The following ROBO2 variants were observed in gnomAD, a reference collection of about 807,000 sequenced individuals.
ROBO2 encodes roundabout guidance receptor 2.
ROBO2 carries 53 observed loss-of-function variants against 160.8 expected under a neutral mutation model. The observed-to-expected ratio is 0.33, with a 90% CI of 0.26 to 0.41. The LOEUF is 0.41. Ranked by LOEUF, ROBO2 falls within the 10% of genes least tolerant of loss-of-function variation. The pLI, the probability that ROBO2 is intolerant of heterozygous loss-of-function variation, is 1.00. For missense variants in ROBO2, 1,577 were observed against 1,722.4 expected (o/e 0.92, Z 1.49); for synonymous variants, 664 against 611.7 (o/e 1.09, Z -1.26).
At chr3:76,008,393 G>A (rs1427610931) in intron 2 of ROBO2, among the ~76,000 whole-genome samples, 2 of 152,000 alleles carry the variant, frequency 1.3e-5, no homozygotes, top group Non-Finnish European at 2.9e-5. Context: ...GATGTCTTAT[G>A]GTAAACCCTT....
intron 2 of ROBO2, among the ~76,000 whole-genome samples, chr3:77,005,097 G>A (rs975046286): frequency 2.0e-5 from 3 of 152,124 alleles, no homozygotes; most frequent in Admixed American, 6.5e-5. Context: ...GACACGCTTG[G>A]CAGGCTTTTC....
intron 2 of ROBO2, among the ~76,000 whole-genome samples, chr3:76,981,094 G>A (rs908335486): frequency 6.6e-6 from 1 of 152,124 alleles, no homozygotes; most frequent in African/African-American, 2.4e-5. Flanking sequence ...ACCAATTGAT[G>A]GACATGTAGG....
intron 2 of ROBO2, among the ~76,000 whole-genome samples, chr3:76,170,042 C>T (rs988363738): frequency 7.9e-5 from 12 of 152,102 alleles, no homozygotes; most frequent in Admixed American, 2.0e-4. Flanking sequence ...AGCCTCCCAA[C>T]GTGCTGGGAT....
intron 2 of ROBO2, among the ~76,000 whole-genome samples, chr3:76,240,267 G>T (rs777206309): frequency 1.3e-5 from 2 of 151,982 alleles, no homozygotes; most frequent in Non-Finnish European, 2.9e-5. Flanking sequence ...TTGTCCTAAT[G>T]CTCTCCCTCC....
chr3:76,176,095 C>A (rs568085235), intron 2 of ROBO2, among the ~76,000 whole-genome samples: 1 of 152,060 alleles, frequency 6.6e-6, no homozygotes, highest in East Asian at 1.9e-4. Context: ...GGGACACATG[C>A]TGCTTCTCTA....
chr3:76,580,342 G>GTTTTTTTTTTTTTTTTTTTTTTT (rs71101901), intron 2 of ROBO2, among the ~76,000 whole-genome samples: 1 of 90,558 alleles, frequency 1.1e-5, no homozygotes, highest in African/African-American at 4.4e-5. Flanking sequence ...TTTTTTTTGT[G>GTTTTTTTTTTTTTTTTTTTTTTT]TTTTTTTTTT....
At chr3:75,932,597 C>T (rs1947593584) in intron 1 of ROBO2, among the ~76,000 whole-genome samples, 1 of 152,162 alleles carries the variant, frequency 6.6e-6, no homozygotes, top group Non-Finnish European at 1.5e-5. Context: ...ATGCACTACA[C>T]TTTGGGAGGG....
chr3:76,241,777 A>T (rs1705301343), intron 2 of ROBO2, among the ~76,000 whole-genome samples: 1 of 152,236 alleles, frequency 6.6e-6, no homozygotes, highest in African/African-American at 2.4e-5. Context: ...AAAAATGATT[A>T]TACATTTCCA....
chr3:76,057,116 T>C (rs917777124), intron 2 of ROBO2, among the ~76,000 whole-genome samples: 6 of 152,338 alleles, frequency 3.9e-5, no homozygotes, highest in Non-Finnish European at 7.4e-5. Context: ...TTCCTGTGTG[T>C]GTAATATTTT....
chr3:77,110,331 C>G (rs986870208), intron 2 of ROBO2, among the ~76,000 whole-genome samples: 1 of 152,004 alleles, frequency 6.6e-6, no homozygotes, highest in African/African-American at 2.4e-5. Context: ...TTTTTTGAGT[C>G]ATTAACATAT....
chr3:77,574,513 C>T, exon 14 of ROBO2: 1 of 1,613,248 alleles, frequency 6.2e-7, no homozygotes, highest in Non-Finnish European at 8.5e-7. Context: ...ATCGCCAACC[C>T]CAGTTTATCC....
chr3:77,243,399 G>A (rs1347028651), intron 2 of ROBO2, among the ~76,000 whole-genome samples: 2 of 152,154 alleles, frequency 1.3e-5, no homozygotes, highest in African/African-American at 4.8e-5. Flanking sequence ...AACGTGAGAA[G>A]TCTTAGGAGC....
Position 76,231,571 on chromosome 3 carries a change from A to G in ROBO2, c.109+293969A>G, listed in dbSNP as rs182136690. Among the ~76,000 whole-genome samples, 4 of 152,246 alleles carry G rather than the reference A, an allele frequency of 2.6e-5. No homozygotes were observed. In the East Asian group the frequency reaches 7.7e-4, roughly 29 times the overall value. ...TTACTATCTCCTGTCAGTGCCTATTATGAGATTGGGATTTGGAAGGTGTTT... is the reference window on the plus strand; with the variant it reads ...TTACTATCTCCTGTCAGTGCCTATTGTGAGATTGGGATTTGGAAGGTGTTT... On this transcript the variant is annotated intron_variant, in intron 2 of 26. Transcript: ENST00000487694.
At chr3:77,215,741 C>T (rs933874393) in intron 2 of ROBO2, among the ~76,000 whole-genome samples, 6 of 152,064 alleles carry the variant, frequency 3.9e-5, no homozygotes, top group Admixed American at 1.3e-4. Context: ...ATGATGGTGA[C>T]GTACAGATGG....
At chr3:76,104,672 A>G (rs1205405435) in intron 2 of ROBO2, among the ~76,000 whole-genome samples, 2 of 152,324 alleles carry the variant, frequency 1.3e-5, no homozygotes, top group African/African-American at 4.8e-5. Context: ...AAAGGACACT[A>G]TCACACATTT....
intron 23 of ROBO2, chr3:77,634,363 T>A: frequency 5.6e-6 from 1 of 178,548 alleles, no homozygotes; most frequent in Non-Finnish European, 1.2e-5. Context: ...TTAATATATG[T>A]GTCTGAGCAG....
chr3:75,956,441 T>A (rs1425535783), intron 2 of ROBO2, among the ~76,000 whole-genome samples: 7 of 151,764 alleles, frequency 4.6e-5, no homozygotes, highest in Admixed American at 1.3e-4. Context: ...CCAAAGCCAT[T>A]TGAAATGAGT....
chr3:75,964,140 G>A (rs1949023277), intron 2 of ROBO2, among the ~76,000 whole-genome samples: 1 of 151,678 alleles, frequency 6.6e-6, no homozygotes, highest in Admixed American at 6.6e-5. Flanking sequence ...TCCTCAGTAG[G>A]TGTAAGAGTG....
chr3:76,025,254 C>A (rs1161488523), intron 2 of ROBO2, among the ~76,000 whole-genome samples: 1 of 151,538 alleles, frequency 6.6e-6, no homozygotes, highest in Non-Finnish European at 1.5e-5. Context: ...TCTGGGATGT[C>A]TTCAAAATTA....
Sources: gnomAD v4.1 joint callset for allele counts (sites outside exome capture counted in the v4.1 genomes callset) on GRCh38, gnomAD v4.1.1 for gene constraint, MANE v1.5 for transcripts, NCBI Gene and HGNC (gene_info 2026-07-23, HGNC 2026-07-21) for gene names.